Variants in EVI5L observed in about 807,000 individuals in gnomAD.
The protein encoded by EVI5L is ecotropic viral integration site 5 like, also known as EVI5-like protein.
A neutral mutation model predicts 106.1 loss-of-function variants in EVI5L; 30 were observed. The observed-to-expected ratio is 0.28, with a 90% CI of 0.21 to 0.38. The LOEUF is 0.38. Ranked by LOEUF, EVI5L falls within the 10% of genes least tolerant of loss-of-function variation. The probability of loss-of-function intolerance (pLI) is 1.00; values close to 1 mark genes in which losing one functional copy is unlikely to be tolerated. For missense variants in EVI5L, 809 were observed against 1,098.0 expected, an observed-to-expected ratio of 0.74 and a Z score of 3.72; for synonymous variants, 489 against 483.3, an observed-to-expected ratio of 1.01 and a Z score of -0.15.
chr19:7,833,980 G>T (rs372807027), intron 1 of EVI5L, among the ~76,000 whole-genome samples: 1 of 152,178 alleles, frequency 6.6e-6, no homozygotes, highest in Non-Finnish European at 1.5e-5. Context: ...GATTTGGAAG[G>T]CCTCATTGGC....
rs1978289550 is a variant in EVI5L, at chr19:7,830,244, A to T, written c.-185A>T. On this transcript the variant is annotated 5_prime_UTR_variant, in exon 1 of 20. Coordinates refer to ENST00000538904, the MANE Select transcript of EVI5L (RefSeq NM_001159944.3). Reference sequence around the variant, plus strand: ...TCAGCGGGTGAAATGGCAGCGGCGGAGCCGGCGGCGGCCGCGGTCCCGGGG... The same window carrying T: ...TCAGCGGGTGAAATGGCAGCGGCGGTGCCGGCGGCGGCCGCGGTCCCGGGG... 6.7e-6 allele frequency: 1 copy of T among 149,048 alleles called. No individual in the cohort carries two copies. Among genetic ancestry groups the T allele is most frequent in the African/African-American group, 2.5e-5 (1 of 39,996 alleles). The allele number at this position is 149,048 out of a possible 1,614,324, so 9.2% of individuals were successfully genotyped here.
In EVI5L at chr19:7,862,144, G is replaced by A. The variant is rs1273578696; in HGVS notation, c.1667G>A (p.Arg556His). ...TWQAHLARGG[R>H]WKESPRKLVV... is the part of the protein sequence containing the mutation. Reference sequence around the variant, plus strand: ...CAGGCCCATCTGGCCCGCGGCGGCCGCTGGAAGGAGTCCCCACGGAAGCTG... The same window carrying A: ...CAGGCCCATCTGGCCCGCGGCGGCCACTGGAAGGAGTCCCCACGGAAGCTG... The change falls in exon 16 of 20, where the codon CGC becomes CAC. Residue 556 changes from arginine (R) to histidine (H), a missense_variant. Arg to His is a conservative substitution (Grantham distance 29). This residue lies in a region of EVI5L where 452 missense variants were observed against 509.9 expected (regional missense o/e 0.89). Coordinates refer to ENST00000538904, the MANE Select transcript of EVI5L (RefSeq NM_001159944.3). 2 of 1,572,972 alleles carry A rather than the reference G, an allele frequency of 1.3e-6. No homozygotes were observed. Among genetic ancestry groups the A allele is most frequent in the Non-Finnish European group, 8.6e-7 (1 of 1,164,606 alleles).
Position 7,846,558 on chromosome 19 carries a change from C to T in EVI5L, c.16C>T (p.Leu6=). 1 of 1,611,610 alleles carries T rather than the reference C, an allele frequency of 6.2e-7. No individual in the cohort carries two copies. Among genetic ancestry groups the T allele is most frequent in the Non-Finnish European group, 8.5e-7 (1 of 1,179,176 alleles). The change falls in exon 2 of 20, where the codon CTG becomes TTG. Residue 6 remains leucine (L), a synonymous_variant. Coordinates refer to ENST00000538904, the MANE Select transcript of EVI5L (RefSeq NM_001159944.3). ...CCCACCCACCATGGCGAGCCCCACTCTGAGCCCCGACTCCTCATCCCAGGA... is the reference window on the plus strand; with the variant it reads ...CCCACCCACCATGGCGAGCCCCACTTTGAGCCCCGACTCCTCATCCCAGGA... MASPT[L]SPDSSSQEAL...
Position 7,856,910 on chromosome 19 carries a change from G to A in EVI5L, c.1201-182G>A. ...CCTCTCCAGGACGGAGCTGGCTCTA[G>A]CTTTGGTCTTCCTCCGGGTCCTCTC... On this transcript the variant is annotated intron_variant, in intron 11 of 19. Transcript: ENST00000538904. The surrounding 1 kb of genome is among the most constrained non-coding windows in gnomAD (Gnocchi z 6.6). The A allele has an allele frequency of 1.4e-6, 1 of 730,424 alleles. No homozygotes were observed. The highest frequency in any genetic ancestry group is 1.5e-5 in the South Asian group (1 of 67,638). 45.2% of individuals were successfully genotyped at this position (730,424 alleles called of 1,614,324 possible). A position where few individuals can be genotyped will look rare whatever the true frequency, so the allele number is the denominator to read the frequency against.
intron 1 of EVI5L, among the ~76,000 whole-genome samples, chr19:7,831,320 C>T (rs1190677020): frequency 1.3e-5 from 2 of 151,392 alleles, no homozygotes; most frequent in Non-Finnish European, 2.9e-5. Context: ...AGAGCTCCAA[C>T]ATAGACCCCA....
chr19:7,862,933 C>G, intron 17 of EVI5L, 39 bp from the exon 18 acceptor site: 1 of 1,394,324 alleles, frequency 7.2e-7, no homozygotes, highest in Non-Finnish European at 9.7e-7. Flanking sequence ...GCCGCGCCCC[C>G]TGACCCGCCC....
In EVI5L at chr19:7,857,426, C is replaced by T. The variant is rs1979584163; in HGVS notation, c.1233+302C>T. 1.8e-6 allele frequency: 1 copy of T among 565,980 alleles called. No individual in the cohort carries two copies. Among genetic ancestry groups the T allele is most frequent in the Non-Finnish European group, 3.2e-6 (1 of 314,870 alleles). 35.1% of individuals were successfully genotyped at this position (565,980 alleles called of 1,614,324 possible). A position where few individuals can be genotyped will look rare whatever the true frequency, so the allele number is the denominator to read the frequency against. On this transcript the variant is annotated intron_variant, in intron 12 of 19. Coordinates refer to ENST00000538904, the MANE Select transcript of EVI5L (RefSeq NM_001159944.3). This position sits in a 1 kb window ranked among gnomAD's most constrained non-coding sequence, Gnocchi z 4.5. ...TGGGGACCCAGGAGGGCTGGGGAAC[C>T]TAAAACCATATTCACATAAGGCCCT...
In EVI5L at chr19:7,846,631, T is replaced by G; in HGVS notation, c.89T>G (p.Leu30Arg). The change falls in exon 2 of 20, where the codon CTC becomes CGC. Residue 30 changes from leucine to arginine, a missense_variant. Leu to Arg is a moderately radical substitution (Grantham distance 102). Coordinates refer to ENST00000538904, the MANE Select transcript of EVI5L (RefSeq NM_001159944.3). Reference sequence around the variant, plus strand: ...TCCCCAACCTCTGACTCCGAGAACCTCAGCCCCGATGAGCTGGAGCTGCTG... The same window carrying G: ...TCCCCAACCTCTGACTCCGAGAACCGCAGCCCCGATGAGCTGGAGCTGCTG... ...TCSPTSDSEN[L>R]SPDELELLAK... The G allele has an allele frequency of 6.2e-7, 1 of 1,613,562 alleles. No homozygotes were observed. The highest frequency in any genetic ancestry group is 8.5e-7 in the Non-Finnish European group (1 of 1,179,908).
In EVI5L at chr19:7,850,087, G is replaced by T; in HGVS notation, c.718G>T (p.Gly240Trp). 1 of 1,605,174 alleles carries T rather than the reference G, an allele frequency of 6.2e-7. No individual in the cohort carries two copies. Among genetic ancestry groups the T allele is most frequent in the Non-Finnish European group, 8.5e-7 (1 of 1,176,326 alleles). Residue 240 changes from glycine to tryptophan, a missense_variant, in exon 6 of 20, where the codon GGG becomes TGG. Gly to Trp is a radical substitution (Grantham distance 184). Transcript: ENST00000538904. The surrounding 1 kb of genome is among the most constrained non-coding windows in gnomAD (Gnocchi z 5.4). ...CTTCAAACCCAGCATGGCCGAGCTC[G>T]GGCTCTGCATCTATCAGTTCGAGTA... ...ELFKPSMAEL[G>W]LCIYQFEYML...
Position 7,863,114 on chromosome 19 carries a change from CG to C in EVI5L, c.2043+51del. 2 of 1,525,176 alleles carry C rather than the reference CG, an allele frequency of 1.3e-6. No individual in the cohort carries two copies. Among genetic ancestry groups the C allele is most frequent in the African/African-American group, 1.4e-5 (1 of 71,072 alleles). The allele number at this position is 1,525,176 out of a possible 1,614,324, so 94.5% of individuals were successfully genotyped here. A position where few individuals can be genotyped will look rare whatever the true frequency, so the allele number is the denominator to read the frequency against. ...GGGGGGCGGGGGCGGGGGCAGGGCC[CG>C]GGGCAGGAGCGGGGCCGGACCCCAG... is the stretch of plus-strand genomic sequence containing the variant. On this transcript the variant is annotated intron_variant, in intron 18 of 19. Transcript: ENST00000538904. The surrounding 1 kb of genome is among the most constrained non-coding windows in gnomAD (Gnocchi z 7.7).
At chr19:7,836,582 G>A (rs959316501) in intron 1 of EVI5L, among the ~76,000 whole-genome samples, 3 of 152,042 alleles carry the variant, frequency 2.0e-5, no homozygotes, top group Non-Finnish European at 4.4e-5. Flanking sequence ...GCACTTGTGT[G>A]TTAAAGCCGT....
rs1262394144 is a variant in EVI5L, at chr19:7,858,703, G to C, written c.1374+372G>C. Reference sequence around the variant, plus strand: ...GCCTGTCCCCAGGGTCTGAAGGATTGTTAGGTGTCCCTGGGGGGCCAGCCA... The same window carrying C: ...GCCTGTCCCCAGGGTCTGAAGGATTCTTAGGTGTCCCTGGGGGGCCAGCCA... On this transcript the variant is annotated intron_variant, in intron 13 of 19. Coordinates refer to ENST00000538904, the MANE Select transcript of EVI5L (RefSeq NM_001159944.3). This position sits in a 1 kb window ranked among gnomAD's most constrained non-coding sequence, Gnocchi z 5.7. The C allele has an allele frequency of 4.2e-6, 1 of 236,772 alleles. No individual in the cohort carries two copies. Among genetic ancestry groups the C allele is most frequent in the Non-Finnish European group, 8.3e-6 (1 of 121,060 alleles). The allele number at this position is 236,772 out of a possible 1,614,324, so 14.7% of individuals were successfully genotyped here.
chr19:7,853,469 C>A, intron 10 of EVI5L, 136 bp downstream of exon 10: 1 of 1,161,944 alleles, frequency 8.6e-7, no homozygotes, highest in Non-Finnish European at 1.2e-6. Context: ...GCGGACAGGC[C>A]TCCGCCCACC....
chr19:7,863,567 C>T lies in EVI5L; in HGVS notation c.2283C>T (p.Asp761=), dbSNP rs1347385437. ...TAGGCGTGGGCGCTGCCCTGCAGGA[C>T]GCATTGTACCCTCTGTCCCCGCGCG... ...LGVGVGAALQ[D]ALYPLSPRDA... The change falls in exon 20 of 20, where the codon GAC becomes GAT. Residue 761 remains aspartate (D), a synonymous_variant. Transcript: ENST00000538904. The surrounding 1 kb of genome is among the most constrained non-coding windows in gnomAD (Gnocchi z 7.7). 3 of 1,598,438 alleles carry T rather than the reference C, an allele frequency of 1.9e-6. No homozygotes were observed. The highest frequency in any genetic ancestry group is 1.7e-5 in the Admixed American group (1 of 58,518).
chr19:7,850,039 C>A lies in EVI5L; in HGVS notation c.670C>A (p.Gln224Lys), dbSNP rs187344289. ...CTTCTGTGTGTTCGTGCGGCTGATGCAGGAGTACCGGCTGCGGGAGCTCTT... is the reference window on the plus strand; with the variant it reads ...CTTCTGTGTGTTCGTGCGGCTGATGAAGGAGTACCGGCTGCGGGAGCTCTT... ...EAFCVFVRLMQEYRLRELFKP... is the reference protein window; with the variant it reads ...EAFCVFVRLMKEYRLRELFKP... Residue 224 changes from glutamine to lysine, a missense_variant, in exon 6 of 20, where the codon CAG becomes AAG. By Grantham distance (53) the Gln-to-Lys change is moderately conservative. This residue lies in a region of EVI5L where 357 missense variants were observed against 588.1 expected (regional missense o/e 0.61). Coordinates refer to ENST00000538904, the MANE Select transcript of EVI5L (RefSeq NM_001159944.3). The surrounding 1 kb of genome is among the most constrained non-coding windows in gnomAD (Gnocchi z 5.4). The A allele has an allele frequency of 7.5e-6, 12 of 1,603,986 alleles. No individual in the cohort carries two copies. Among genetic ancestry groups the A allele is most frequent in the Non-Finnish European group, 1.0e-5 (12 of 1,175,514 alleles).
rs544052568 is a variant in EVI5L at position 7,855,127 on chromosome 19, T to C, written c.1147-888T>C. ...AAATATCTTTTTCTTTTTTTTTTTT[T>C]TTTTTTGGAGATGGAGTCTTGCTCT... On this transcript the variant is annotated intron_variant, in intron 10 of 19. Transcript: ENST00000538904. Among the ~76,000 whole-genome samples the C allele has an allele frequency of 1.9e-3, 288 of 150,882 alleles. 1 individual carries two copies. The highest frequency in any genetic ancestry group is 3.4e-3 in the Non-Finnish European group (227 of 67,582).
rs919325196 is a variant in EVI5L, at chr19:7,864,219, C to G, written c.*517C>G. On this transcript the variant is annotated 3_prime_UTR_variant, in exon 20 of 20. Transcript: ENST00000538904. This position sits in a 1 kb window ranked among gnomAD's most constrained non-coding sequence, Gnocchi z 4.5. ...ACCCTTGACTAGCCCCTGGCCATCT[C>G]TAGGGGAGTCAGGCCGCTGGGGACA... 1.3e-5 allele frequency: 2 copies of G among 153,436 alleles called. No homozygotes were observed. Among genetic ancestry groups the G allele is most frequent in the African/African-American group, 4.8e-5 (2 of 41,612 alleles). 9.5% of individuals were successfully genotyped at this position (153,436 alleles called of 1,614,324 possible). A position where few individuals can be genotyped will look rare whatever the true frequency, so the allele number is the denominator to read the frequency against.
Position 7,862,027 on chromosome 19 carries a change from C to T in EVI5L, c.1644+9C>T, listed in dbSNP as rs568854201. On this transcript the variant is annotated intron_variant, in intron 15 of 19. Transcript: ENST00000538904. ...TCTCGGACACCTGGCAGGTGAGGGC[C>T]GGGTGGGCGCCGGCGGGCAGAGCGC... 9.7e-6 allele frequency: 15 copies of T among 1,542,470 alleles called. No individual in the cohort carries two copies. The East Asian group carries it at 3.4e-4, about 35-fold the overall frequency.
At chr19:7,833,605 G>T (rs768522930) in intron 1 of EVI5L, among the ~76,000 whole-genome samples, 1 of 152,240 alleles carries the variant, frequency 6.6e-6, no homozygotes, top group Non-Finnish European at 1.5e-5. Flanking sequence ...AGGGAAGGGT[G>T]TTCCAGGCAG....
Sources: allele counts gnomAD v4.1 joint callset (sites outside exome capture counted in the v4.1 genomes callset), GRCh38; gene constraint gnomAD v4.1.1; regional missense constraint gnomAD v4.1.1; non-coding constraint Gnocchi (gnomAD v3.1); transcripts MANE v1.5; gene names NCBI Gene and HGNC (gene_info 2026-07-23, HGNC 2026-07-21).